Variants in EPC2 observed in about 807,000 individuals in gnomAD.
EPC2 encodes enhancer of polycomb homolog 2.
EPC2 carries 14 observed loss-of-function variants against 92.1 expected under a neutral mutation model. The observed-to-expected ratio is 0.15, with a 90% CI of 0.10 to 0.24. The LOEUF (loss-of-function observed/expected upper bound fraction) is 0.24. Among genes scored for constraint, EPC2 ranks in the 10% least tolerant of loss-of-function variants. The pLI, the probability that EPC2 is intolerant of heterozygous loss-of-function variation, is 1.00. For synonymous variants in EPC2, 340 were observed against 334.7 expected, an observed-to-expected ratio of 1.02 and a Z score of -0.17; for missense variants, 755 against 971.5, an observed-to-expected ratio of 0.78 and a Z score of 2.96.
chr2:148,777,310 T>G (rs757211899), intron 10 of EPC2, among the ~76,000 whole-genome samples: 6 of 152,316 alleles, frequency 3.9e-5, no homozygotes, highest in Non-Finnish European at 7.4e-5. Context: ...CATTAAGCTA[T>G]GAAAATTTGG....
intron 2 of EPC2, among the ~76,000 whole-genome samples, chr2:148,737,220 C>G (rs1682775471): frequency 6.6e-6 from 1 of 152,226 alleles, no homozygotes; most frequent in Non-Finnish European, 1.5e-5. Context: ...AAGGCACTTT[C>G]AGTAGAACCC....
chr2:148,657,169 GTT>G (rs1273778408), intron 1 of EPC2, among the ~76,000 whole-genome samples: 1 of 152,126 alleles, frequency 6.6e-6, no homozygotes, highest in Non-Finnish European at 1.5e-5. Context: ...AACAGAAACT[GTT>G]ACGGAGGATG....
At chr2:148,741,237 T>G (rs1468801394) in intron 2 of EPC2, among the ~76,000 whole-genome samples, 1 of 152,178 alleles carries the variant, frequency 6.6e-6, no homozygotes, top group Admixed American at 6.5e-5. Context: ...CATTGAGAGA[T>G]GAAATACTGC....
intron 4 of EPC2, among the ~76,000 whole-genome samples, chr2:148,754,448 A>T (rs35250728): frequency 0.2 from 30,132 of 152,088 alleles, 3,636 homozygotes; most frequent in East Asian, 0.49. Context: ...AGAGGAATTT[A>T]GTGTCCTTAT....
At chr2:148,649,938 T>C (rs1484352716) in intron 1 of EPC2, among the ~76,000 whole-genome samples, 1 of 152,204 alleles carries the variant, frequency 6.6e-6, no homozygotes, top group Non-Finnish European at 1.5e-5. Flanking sequence ...CTTTTGCTCT[T>C]GGGTTTTCAG....
At chr2:148,698,092 GT>G (rs1681789361) in intron 2 of EPC2, among the ~76,000 whole-genome samples, 1 of 152,066 alleles carries the variant, frequency 6.6e-6, no homozygotes, top group Non-Finnish European at 1.5e-5. Flanking sequence ...GGAGGCTAAA[GT>G]AGATAGCAAG....
chr2:148,765,031 A>C lies in EPC2; in HGVS notation c.1025A>C (p.Lys342Thr). 4 of 1,608,786 alleles carry C rather than the reference A, an allele frequency of 2.5e-6. No individual in the cohort carries two copies. Among genetic ancestry groups the C allele is most frequent in the Non-Finnish European group, 3.4e-6 (4 of 1,176,972 alleles). The change falls in exon 7 of 14, where the codon AAA becomes ACA. Residue 342 changes from lysine (K) to threonine (T), a missense_variant. Lys to Thr is a moderately conservative substitution (Grantham distance 78). Around this residue, in one of 4 missense-constraint regions of EPC2, gnomAD observed 509 missense variants for 607.7 expected, o/e 0.84. Transcript: ENST00000258484. ...AAGAAGAAGTACCCAAAGAAGCCTA[A>C]AGCAGAGGCTTTGATAACATCTCAG... is the stretch of plus-strand genomic sequence containing the variant. ...RQKKKYPKKP[K>T]AEALITSQQP...
Position 148,781,772 on chromosome 2 carries a change from A to G in EPC2, c.1849A>G (p.Lys617Glu), listed in dbSNP as rs1005148037. The G allele has an allele frequency of 1.2e-6, 2 of 1,613,874 alleles. No individual in the cohort carries two copies. The highest frequency in any genetic ancestry group is 2.2e-5 in the East Asian group (1 of 44,864). Reference sequence around the variant, plus strand: ...GCATTCCTCGCAACAGACACATCCAAAAGCACAGGTAAACTGCTCTTTTCG... The same window carrying G: ...GCATTCCTCGCAACAGACACATCCAGAAGCACAGGTAAACTGCTCTTTTCG... The part of the protein sequence containing the change: ...SQHSSQQTHP[K>E]AQGSSTSDCM... The change falls in exon 11 of 14, where the codon AAA becomes GAA. Residue 617 changes from lysine (K) to glutamate (E), a missense_variant. Lys to Glu is a moderately conservative substitution (Grantham distance 56). Around this residue, in one of 4 missense-constraint regions of EPC2, gnomAD observed 207 missense variants for 260.5 expected, o/e 0.79. Coordinates refer to ENST00000258484, the MANE Select transcript of EPC2 (RefSeq NM_015630.4).
In EPC2 at chr2:148,769,118, A is replaced by G. The variant is rs1316880821; in HGVS notation, c.1141-33A>G. ...ACAAACATTGATCTATTGACTTTTG[A>G]TAACTTCTAAATGGAATGCCTCTTT... On this transcript the variant is annotated intron_variant, in intron 7 of 13. Transcript: ENST00000258484. 2.8e-6 allele frequency: 4 copies of G among 1,451,988 alleles called. 1 individual carries two copies. Among genetic ancestry groups the G allele is most frequent in the African/African-American group, 2.8e-5 (2 of 71,870 alleles). 89.9% of individuals were successfully genotyped at this position (1,451,988 alleles called of 1,614,324 possible).
chr2:148,662,600 A>C (rs1250309536), intron 1 of EPC2, among the ~76,000 whole-genome samples: 1 of 151,088 alleles, frequency 6.6e-6, no homozygotes, highest in African/African-American at 2.4e-5. Context: ...TGTCACTCAT[A>C]GGTGGGAATT....
At chr2:148,777,390 A>T (rs1683667315) in intron 10 of EPC2, among the ~76,000 whole-genome samples, 1 of 152,208 alleles carries the variant, frequency 6.6e-6, no homozygotes, top group Admixed American at 6.5e-5. Flanking sequence ...GAAACACTGC[A>T]TTAAAAGTTA....
chr2:148,723,192 C>T (rs933853547), intron 2 of EPC2, among the ~76,000 whole-genome samples: 3 of 152,124 alleles, frequency 2.0e-5, no homozygotes, highest in Non-Finnish European at 4.4e-5. Flanking sequence ...AGAAAAAAAG[C>T]AGGTTATACT....
chr2:148,755,822 G>T (rs1683178608), intron 4 of EPC2, among the ~76,000 whole-genome samples: 1 of 152,090 alleles, frequency 6.6e-6, no homozygotes, highest in East Asian at 1.9e-4. Context: ...GAACTCCTGG[G>T]CTCAAGCTGT....
At chr2:148,784,251 T>G (rs756202380) in intron 12 of EPC2, among the ~76,000 whole-genome samples, 2 of 152,194 alleles carry the variant, frequency 1.3e-5, no homozygotes, top group Non-Finnish European at 2.9e-5. Flanking sequence ...GACTTGTTAT[T>G]CCTATCATCC....
intron 2 of EPC2, among the ~76,000 whole-genome samples, chr2:148,706,118 A>G (rs1220511056): frequency 6.6e-6 from 1 of 152,160 alleles, no homozygotes; most frequent in Non-Finnish European, 1.5e-5. Flanking sequence ...TGATTAGACG[A>G]ATGGCTAACT....
At chr2:148,691,197 C>T (rs1392134362) in intron 2 of EPC2, among the ~76,000 whole-genome samples, 2 of 152,158 alleles carry the variant, frequency 1.3e-5, no homozygotes, top group Non-Finnish European at 2.9e-5. Flanking sequence ...TATCTCCTGT[C>T]CCTATACTCT....
chr2:148,765,359 G>A (rs540938794), intron 7 of EPC2, among the ~76,000 whole-genome samples: 7 of 151,942 alleles, frequency 4.6e-5, no homozygotes, highest in Non-Finnish European at 4.4e-5. Flanking sequence ...TTTGTGGAGC[G>A]CATGGTTTTT....
rs544638257 is a variant in EPC2, at chr2:148,646,069, CAG to C, written c.153+904_153+905del. 1.6e-3 allele frequency among the ~76,000 whole-genome samples: 248 copies of C among 152,306 alleles called. 1 individual carries two copies. The highest frequency in any genetic ancestry group is 3.4e-3 in the Middle Eastern group (1 of 294). On this transcript the variant is annotated intron_variant, in intron 1 of 13. Transcript: ENST00000258484. ...GACGGTTGGATTTCATCTGGCTTGA[CAG>C]AGAGTGTTTATGACTCGAGTGGTGT...
At chr2:148,736,693 A>G (rs1682763635) in intron 2 of EPC2, among the ~76,000 whole-genome samples, 1 of 151,974 alleles carries the variant, frequency 6.6e-6, no homozygotes. Context: ...TTTTTTCCAC[A>G]CTTACTTTTT....
Sources: gnomAD v4.1 joint callset for allele counts (sites outside exome capture counted in the v4.1 genomes callset) on GRCh38, gnomAD v4.1.1 for gene constraint, gnomAD v4.1.1 regional missense constraint, MANE v1.5 for transcripts, NCBI Gene and HGNC (gene_info 2026-07-23, HGNC 2026-07-21) for gene names.